The following IFT43 variants were observed in gnomAD, a reference collection of about 807,000 sequenced individuals.
The protein encoded by IFT43 is intraflagellar transport protein 43 homolog.
Under a neutral mutation model 32.3 loss-of-function variants are expected in IFT43, and 33 were observed. The observed-to-expected ratio is 1.02, with a 90% confidence interval of 0.77 to 1.37. IFT43 has a LOEUF of 1.37. Among genes scored for constraint, IFT43 ranks in the 40% most tolerant of loss-of-function variants. The pLI is 0.00. For missense variants in IFT43, 274 were observed against 265.9 expected (o/e 1.03, Z -0.21); for synonymous variants, 93 against 98.2 (o/e 0.95, Z 0.31).
chr14:76,022,465 T>C lies in IFT43; in HGVS notation c.215+71T>C, dbSNP rs971636863. On this transcript the variant is annotated intron_variant, in intron 3 of 8. Coordinates refer to ENST00000314067, the MANE Select transcript of IFT43 (RefSeq NM_001102564.3). Reference sequence around the variant, plus strand: ...TTGGGGGGACTTTGCTCCTGTGTTGTTTTATTTTTTACAATAGCTTTATTG... The same window carrying C: ...TTGGGGGGACTTTGCTCCTGTGTTGCTTTATTTTTTACAATAGCTTTATTG... The C allele has an allele frequency of 3.4e-5, 30 of 876,544 alleles. No individual in the cohort carries two copies. In the African/African-American group the frequency reaches 4.6e-4, roughly 13 times the overall value. 54.3% of individuals were successfully genotyped at this position (876,544 alleles called of 1,614,324 possible).
At chr14:76,048,641 C>T (rs937988856) in intron 3 of IFT43, among the ~76,000 whole-genome samples, 1 of 152,262 alleles carries the variant, frequency 6.6e-6, no homozygotes, top group Admixed American at 6.5e-5. Flanking sequence ...TCACATCATC[C>T]GAGTTTTTTC....
chr14:76,064,824 A>T (rs1467012791), intron 5 of IFT43, among the ~76,000 whole-genome samples: 2 of 152,188 alleles, frequency 1.3e-5, no homozygotes, highest in Non-Finnish European at 2.9e-5. Context: ...AATCTATAGA[A>T]TTATCTGGAC....
chr14:76,033,252 A>G (rs570804757), intron 3 of IFT43, among the ~76,000 whole-genome samples: 1 of 152,324 alleles, frequency 6.6e-6, no homozygotes, highest in South Asian at 2.1e-4. Flanking sequence ...ATGGAACAGT[A>G]TTTGGAAGAA....
At chr14:76,077,617 A>G (rs1408610208) in intron 5 of IFT43, among the ~76,000 whole-genome samples, 3 of 152,158 alleles carry the variant, frequency 2.0e-5, no homozygotes, top group Non-Finnish European at 4.4e-5. Context: ...CCACGAATAA[A>G]GTATTATGGA....
chr14:76,073,769 C>T (rs530205089), intron 5 of IFT43, among the ~76,000 whole-genome samples: 5 of 152,154 alleles, frequency 3.3e-5, no homozygotes, highest in African/African-American at 9.7e-5. Flanking sequence ...GTGCCCAAGG[C>T]GAACTCCTTT....
intron 2 of IFT43, among the ~76,000 whole-genome samples, chr14:76,009,045 TGCCGG>T (rs914792047): frequency 6.6e-6 from 1 of 152,198 alleles, no homozygotes; most frequent in African/African-American, 2.4e-5. Flanking sequence ...AGTTTGCCCT[TGCCGG>T]GTCTTATATT....
At chr14:76,082,409 G>T (rs750502988) in intron 6 of IFT43, 42 bp downstream of exon 6, 1 of 1,296,108 alleles carries the variant, frequency 7.7e-7, no homozygotes. Context: ...AAGAACACGT[G>T]AATTAATACA....
chr14:76,075,682 G>A (rs756241493), intron 5 of IFT43, among the ~76,000 whole-genome samples: 19 of 152,202 alleles, frequency 1.2e-4, no homozygotes, highest in Non-Finnish European at 2.6e-4. Context: ...AGCAGCTCAT[G>A]AATATGAAAC....
chr14:76,045,015 G>A (rs779108397), intron 3 of IFT43, among the ~76,000 whole-genome samples: 16 of 152,152 alleles, frequency 1.1e-4, no homozygotes, highest in African/African-American at 3.1e-4. Flanking sequence ...TCCAGTCAAC[G>A]GTAGGCTGTA....
chr14:75,988,934 A>G lies in IFT43; in HGVS notation c.104A>G (p.Asn35Ser), dbSNP rs144327903. ...RAQQESAQAE[N>S]HLNGKNSSLT... ...CAACAGGAGTCAGCGCAGGCCGAGA[A>G]TCACCTCAATGGCAAGAATTCCTCT... is the stretch of plus-strand genomic sequence containing the variant. Residue 35 changes from asparagine (N) to serine (S), a missense_variant, in exon 2 of 9, where the codon AAT becomes AGT. By Grantham distance (46) the Asn-to-Ser change is conservative. Coordinates refer to ENST00000314067, the MANE Select transcript of IFT43 (RefSeq NM_001102564.3). The G allele has an allele frequency of 4.3e-6, 7 of 1,613,972 alleles. No homozygotes were observed. The African/African-American group carries it at 8.0e-5, about 18-fold the overall frequency.
chr14:76,061,178 G>A (rs1297137895), intron 5 of IFT43, among the ~76,000 whole-genome samples: 1 of 152,082 alleles, frequency 6.6e-6, no homozygotes, highest in Non-Finnish European at 1.5e-5. Context: ...ACCTCGCCTG[G>A]CCTACATTGT....
intron 5 of IFT43, among the ~76,000 whole-genome samples, chr14:76,078,578 G>A (rs1053412341): frequency 1.2e-4 from 19 of 152,220 alleles, no homozygotes; most frequent in African/African-American, 4.3e-4. Context: ...TCCTCACAGC[G>A]TGGCTGACCA....
chr14:76,032,551 C>CAT (rs1218666086), intron 3 of IFT43, among the ~76,000 whole-genome samples: 1 of 152,208 alleles, frequency 6.6e-6, no homozygotes, highest in Non-Finnish European at 1.5e-5. Flanking sequence ...CACATGCATG[C>CAT]ATACATATTC....
At chr14:75,992,099 T>C (rs1327105549) in intron 2 of IFT43, among the ~76,000 whole-genome samples, 1 of 152,230 alleles carries the variant, frequency 6.6e-6, no homozygotes, top group East Asian at 1.9e-4. Flanking sequence ...TACTTTAGAC[T>C]TAAGTGGAAA....
chr14:76,047,318 T>G (rs569653055), intron 3 of IFT43, among the ~76,000 whole-genome samples: 25 of 152,318 alleles, frequency 1.6e-4, no homozygotes, highest in African/African-American at 6.0e-4. Context: ...CCTGGGGTTC[T>G]TAGAGTCCTC....
At chr14:76,054,109 G>A (rs2036965208) in intron 3 of IFT43, among the ~76,000 whole-genome samples, 1 of 152,220 alleles carries the variant, frequency 6.6e-6, no homozygotes, top group South Asian at 2.1e-4. Flanking sequence ...TCAAGGCTTA[G>A]GGCAGGGAGT....
intron 5 of IFT43, among the ~76,000 whole-genome samples, chr14:76,078,392 A>C (rs1317485439): frequency 6.6e-6 from 1 of 152,224 alleles, no homozygotes; most frequent in African/African-American, 2.4e-5. Flanking sequence ...ATTTGTAAGC[A>C]GTACCTTTCT....
At chr14:76,070,208 A>G (rs766419533) in intron 5 of IFT43, among the ~76,000 whole-genome samples, 11 of 152,178 alleles carry the variant, frequency 7.2e-5, no homozygotes, top group Admixed American at 1.3e-4. Context: ...GAAAAATGCT[A>G]TCTGTAGAGG....
At chr14:75,991,026 A>G (rs1168831451) in intron 2 of IFT43, among the ~76,000 whole-genome samples, 2 of 152,214 alleles carry the variant, frequency 1.3e-5, no homozygotes, top group Admixed American at 1.3e-4. Context: ...GCACCCAGGA[A>G]GAATAATTAA....
Sources: allele counts gnomAD v4.1 joint callset (sites outside exome capture counted in the v4.1 genomes callset), GRCh38; gene constraint gnomAD v4.1.1; transcripts MANE v1.5; gene names NCBI Gene and HGNC (gene_info 2026-07-23, HGNC 2026-07-21).